Variants in COL4A3 observed in about 807,000 individuals in gnomAD.
COL4A3 encodes the protein collagen type IV alpha 3 chain.
COL4A3 carries 135 observed loss-of-function variants against 217.4 expected under a neutral mutation model. That is an observed-to-expected ratio of 0.62 (90% CI 0.54 to 0.72). COL4A3 has a LOEUF of 0.72. Among genes scored for constraint, COL4A3 ranks in the 30% least tolerant of loss-of-function variants. The probability of loss-of-function intolerance (pLI) is 0.00; values close to 1 mark genes in which losing one functional copy is unlikely to be tolerated. For missense variants in COL4A3, 1,868 were observed against 2,119.9 expected (o/e 0.88, Z 2.33); for synonymous variants, 690 against 736.3 (o/e 0.94, Z 1.02).
chr2:227,307,372 T>C (rs2073551915), intron 47 of COL4A3, among the ~76,000 whole-genome samples: 1 of 152,202 alleles, frequency 6.6e-6, no homozygotes, highest in Non-Finnish European at 1.5e-5. Context: ...CCCCATCACA[T>C]TGTAGGAGGA....
chr2:227,289,681 A>G (rs1273986864), intron 35 of COL4A3, among the ~76,000 whole-genome samples: 1 of 152,202 alleles, frequency 6.6e-6, no homozygotes, highest in Non-Finnish European at 1.5e-5. Flanking sequence ...TGACATGGCA[A>G]TAACACTTCA....
chr2:227,249,230 A>ATATATATATATTTTTTTTTTTTTTTTT, intron 9 of COL4A3, among the ~76,000 whole-genome samples: 1 of 14,690 alleles, frequency 6.8e-5, no homozygotes, highest in Non-Finnish European at 1.2e-4. Flanking sequence ...ATATATATAT[A>ATATATATATATTTTTTTTTTTTTTTTT]TTTTTTTTTT....
chr2:227,216,565 A>G (rs533043878), intron 1 of COL4A3, among the ~76,000 whole-genome samples: 1 of 152,320 alleles, frequency 6.6e-6, no homozygotes, highest in South Asian at 2.1e-4. Context: ...GCAGCAGTAG[A>G]AAGAAAGGAA....
chr2:227,222,122 CTAA>C (rs367763401), intron 1 of COL4A3, among the ~76,000 whole-genome samples: 1,507 of 105,250 alleles, frequency 0.014, 14 homozygotes, highest in Middle Eastern at 0.033. Context: ...GACACTGTCT[CTAA>C]TAATAATAAT....
intron 1 of COL4A3, among the ~76,000 whole-genome samples, chr2:227,230,904 A>G (rs2068367334): frequency 6.6e-6 from 1 of 152,178 alleles, no homozygotes; most frequent in Non-Finnish European, 1.5e-5. Flanking sequence ...CCTGACTATA[A>G]TTTTGAGTTC....
intron 1 of COL4A3, among the ~76,000 whole-genome samples, chr2:227,235,151 ACTTGCATTTCTGAG>A (rs2068622325): frequency 9.1e-6 from 1 of 110,484 alleles, no homozygotes; most frequent in South Asian, 2.8e-4. Context: ...GGCACTGAGG[ACTTGCATTTCTGAG>A]GACTTGCATT....
chr2:227,192,775 C>G (rs1053336292), intron 1 of COL4A3, among the ~76,000 whole-genome samples: 2 of 152,110 alleles, frequency 1.3e-5, no homozygotes, highest in Non-Finnish European at 2.9e-5. Flanking sequence ...CAATCCTTGA[C>G]GAATCGAGTC....
intron 1 of COL4A3, among the ~76,000 whole-genome samples, chr2:227,183,434 C>T (rs1487021037): frequency 1.3e-5 from 2 of 152,064 alleles, no homozygotes; most frequent in African/African-American, 4.8e-5. Context: ...CAGACCAGAA[C>T]CAGAGACCAG....
At chr2:227,242,361 C>T (rs915395283) in intron 3 of COL4A3, among the ~76,000 whole-genome samples, 3 of 152,168 alleles carry the variant, frequency 2.0e-5, no homozygotes, top group African/African-American at 7.2e-5. Flanking sequence ...GCTTCTGTCG[C>T]CATGGAGTTA....
intron 8 of COL4A3, among the ~76,000 whole-genome samples, chr2:227,247,855 C>T (rs976660483): frequency 6.6e-6 from 1 of 152,120 alleles, no homozygotes; most frequent in Non-Finnish European, 1.5e-5. Flanking sequence ...ATGCTCAGGG[C>T]CCCACATTCT....
intron 1 of COL4A3, among the ~76,000 whole-genome samples, chr2:227,179,470 G>C (rs1342825892): frequency 6.6e-6 from 1 of 152,098 alleles, no homozygotes; most frequent in Non-Finnish European, 1.5e-5. Context: ...CTTCCATGTT[G>C]CTTCCCTTAC....
Position 227,292,590 on chromosome 2 carries a change from T to C in COL4A3, c.3211-601T>C, listed in dbSNP as rs145153520. On this transcript the variant is annotated intron_variant, in intron 37 of 51. Coordinates refer to ENST00000396578, the MANE Select transcript of COL4A3 (RefSeq NM_000091.5). ...TTTGTAAATCTTTATCAAACCTATA[T>C]GTTCGGGTTTGTCGTAAAACTGAAG... Among the ~76,000 whole-genome samples, 671 of 152,340 alleles carry C rather than the reference T, an allele frequency of 4.4e-3. 7 individuals carry two copies. The highest frequency in any genetic ancestry group is 0.016 in the African/African-American group (653 of 41,584).
chr2:227,308,821 A>C, intron 48 of COL4A3, 78 bp from the exon 49 acceptor site: 2 of 1,447,872 alleles, frequency 1.4e-6, no homozygotes, highest in Non-Finnish European at 1.9e-6. Context: ...GTTACATTTA[A>C]ATTAGCTTCT....
At chr2:227,300,038 G>C (rs534015306) in intron 43 of COL4A3, among the ~76,000 whole-genome samples, 80 of 152,164 alleles carry the variant, frequency 5.3e-4, no homozygotes, top group African/African-American at 1.9e-3. Flanking sequence ...TTTATTCCTG[G>C]ATAAATACTT....
chr2:227,220,136 A>ATATG (rs1553743817), intron 1 of COL4A3, among the ~76,000 whole-genome samples: 3,983 of 127,130 alleles, frequency 0.031, 79 homozygotes, highest in Middle Eastern at 0.1. Flanking sequence ...AGGCGGTTTT[A>ATATG]TGTGTGTGTG....
chr2:227,265,453 G>A (rs1559880316), intron 21 of COL4A3: 1 of 152,108 alleles, frequency 6.6e-6, no homozygotes, highest in Non-Finnish European at 1.5e-5. Context: ...AATTGAAATG[G>A]CAAAGCCAAA....
At position 227,294,863 on chromosome 2, in the gene COL4A3, C is replaced by T. The variant is rs2072952001; in HGVS notation, c.3419-101C>T. On this transcript the variant is annotated intron_variant, in intron 39 of 51. Transcript: ENST00000396578. ...AAAAACAGCCTGTTTAACACAATTC[C>T]ACACATCTCCCTGGTATTCCCATTA... 3 of 931,266 alleles carry T rather than the reference C, an allele frequency of 3.2e-6. No individual in the cohort carries two copies. The South Asian group carries it at 4.1e-5, about 13-fold the overall frequency. The allele number at this position is 931,266 out of a possible 1,614,324, so 57.7% of individuals were successfully genotyped here. A position where few individuals can be genotyped will look rare whatever the true frequency, so the allele number is the denominator to read the frequency against.
intron 1 of COL4A3, among the ~76,000 whole-genome samples, chr2:227,190,579 A>G (rs1178937998): frequency 6.6e-6 from 1 of 152,250 alleles, no homozygotes; most frequent in East Asian, 1.9e-4. Context: ...GAAATGTATC[A>G]CTAATTAAAA....
intron 14 of COL4A3, 96 bp downstream of exon 14, chr2:227,254,270 T>TA: frequency 9.3e-7 from 1 of 1,079,480 alleles, no homozygotes; most frequent in South Asian, 1.4e-5. Context: ...TTTTTTTTTT[T>TA]AAAGAAAGTA....
Sources: gnomAD v4.1 joint callset for allele counts (sites outside exome capture counted in the v4.1 genomes callset) on GRCh38, gnomAD v4.1.1 for gene constraint, MANE v1.5 for transcripts, NCBI Gene and HGNC (gene_info 2026-07-23, HGNC 2026-07-21) for gene names.